IQUB: variants seen among roughly 807,000 people sequenced by gnomAD.
IQUB encodes the protein IQ motif and ubiquitin-like domain-containing protein.
In IQUB, 86 loss-of-function variants were observed where a neutral mutation model predicts 86.4. The ratio of observed to expected loss-of-function variants is 1.00; its 90% CI spans 0.84 to 1.19. IQUB has a LOEUF of 1.19. IQUB is among the 50% of genes most tolerant of loss of function. IQUB has a pLI of 0.00. For missense variants in IQUB, 946 were observed against 916.9 expected (o/e 1.03, Z -0.41); for synonymous variants, 289 against 304.5 (o/e 0.95, Z 0.53).
At chr7:123,463,148 A>T (rs1794081738) in intron 10 of IQUB, among the ~76,000 whole-genome samples, 1 of 151,798 alleles carries the variant, frequency 6.6e-6, no homozygotes, top group Admixed American at 6.6e-5. Flanking sequence ...CAAACTTTAA[A>T]TACTTTATCT....
chr7:123,530,660 T>A (rs1023106300), intron 1 of IQUB, among the ~76,000 whole-genome samples: 1 of 150,360 alleles, frequency 6.7e-6, no homozygotes, highest in African/African-American at 2.5e-5. Context: ...CTTTTTACCT[T>A]TTTGCTCTTT....
intron 8 of IQUB, among the ~76,000 whole-genome samples, chr7:123,470,067 C>G (rs1057431396): frequency 6.6e-6 from 1 of 152,118 alleles, no homozygotes; most frequent in Admixed American, 6.5e-5. Flanking sequence ...GTTCACTTGC[C>G]CTGAAGCTCA....
intron 1 of IQUB, among the ~76,000 whole-genome samples, chr7:123,527,626 C>T (rs565169432): frequency 1.3e-5 from 2 of 152,108 alleles, no homozygotes; most frequent in South Asian, 2.1e-4. Context: ...TTAGGCTGCT[C>T]GGGGGTCAGG....
intron 12 of IQUB, among the ~76,000 whole-genome samples, chr7:123,454,062 G>A (rs1008100862): frequency 6.6e-6 from 1 of 152,036 alleles, no homozygotes; most frequent in African/African-American, 2.4e-5. Flanking sequence ...CTGGGTGAAA[G>A]GACCAAAAGA....
At position 123,508,282 on chromosome 7, in the gene IQUB, G is replaced by A. The variant is rs2117239504; in HGVS notation, c.532+1619C>T. 2.0e-5 allele frequency among the ~76,000 whole-genome samples: 3 copies of A among 152,322 alleles called. No individual in the cohort carries two copies. In the Middle Eastern group the frequency reaches 0.01, roughly 518 times the overall value. ...GATCCTCCAGAGGGACAGCAGCCCT[G>A]TAGACACCTTGAATTTATCTCAATG... is the stretch of plus-strand genomic sequence containing the variant. On this transcript the variant is annotated intron_variant, in intron 3 of 12. Transcript: ENST00000324698.
At chr7:123,467,968 C>A (rs931374374) in intron 9 of IQUB, among the ~76,000 whole-genome samples, 1 of 152,290 alleles carries the variant, frequency 6.6e-6, no homozygotes, top group African/African-American at 2.4e-5. Context: ...GACCTGCGGG[C>A]AAGGCAAGTG....
At chr7:123,494,359 A>G (rs1216781680) in intron 7 of IQUB, among the ~76,000 whole-genome samples, 1 of 152,166 alleles carries the variant, frequency 6.6e-6, no homozygotes, top group Non-Finnish European at 1.5e-5. Context: ...AGCTCAAAGT[A>G]TACAATTATC....
chr7:123,494,867 T>C (rs1440386956), intron 7 of IQUB, among the ~76,000 whole-genome samples: 11 of 152,098 alleles, frequency 7.2e-5, no homozygotes, highest in Admixed American at 1.3e-4. Flanking sequence ...CACTAATAAG[T>C]AGAACAGGCA....
intron 8 of IQUB, among the ~76,000 whole-genome samples, chr7:123,469,684 C>T (rs528111661): frequency 1.3e-5 from 2 of 152,096 alleles, no homozygotes; most frequent in South Asian, 4.1e-4. Flanking sequence ...TACTCATTAA[C>T]CCCATGAGGA....
chr7:123,505,478 G>T (rs1437821168), intron 3 of IQUB, among the ~76,000 whole-genome samples: 2 of 152,148 alleles, frequency 1.3e-5, no homozygotes, highest in African/African-American at 2.4e-5. Context: ...TGAAATCTAG[G>T]CAGAGGCTCC....
At chr7:123,511,895 C>A in intron 2 of IQUB, 49 bp downstream of exon 2, 1 of 1,385,420 alleles carries the variant, frequency 7.2e-7, no homozygotes, top group South Asian at 1.5e-5. Flanking sequence ...AAAACGCATT[C>A]ATTCTTCAAA....
chr7:123,494,687 C>T (rs1163152757), intron 7 of IQUB, among the ~76,000 whole-genome samples: 1 of 151,966 alleles, frequency 6.6e-6, no homozygotes, highest in Non-Finnish European at 1.5e-5. Flanking sequence ...AACAATAGCT[C>T]GCATATGTAT....
intron 1 of IQUB, chr7:123,532,678 G>A (rs542415227): frequency 6.6e-6 from 1 of 152,270 alleles, no homozygotes; most frequent in South Asian, 2.1e-4. Flanking sequence ...AAAGCAAGGT[G>A]CGGGACGGCG....
intron 1 of IQUB, among the ~76,000 whole-genome samples, chr7:123,523,069 T>A (rs1796992283): frequency 1.3e-5 from 2 of 151,220 alleles, no homozygotes; most frequent in East Asian, 1.9e-4. Flanking sequence ...TTCCATGGTG[T>A]ATATGTGCCA....
intron 2 of IQUB, among the ~76,000 whole-genome samples, chr7:123,511,014 A>G (rs1298008859): frequency 2.0e-5 from 3 of 152,158 alleles, no homozygotes; most frequent in East Asian, 1.9e-4. Flanking sequence ...AATGACAGAA[A>G]TACCCAAAAA....
At chr7:123,533,513 G>A (rs1177891473) in intron 1 of IQUB, among the ~76,000 whole-genome samples, 1 of 152,130 alleles carries the variant, frequency 6.6e-6, no homozygotes, top group Non-Finnish European at 1.5e-5. Context: ...TAGATTGTTA[G>A]GTAGTGACAT....
At chr7:123,471,169 T>G (rs1206146059) in intron 8 of IQUB, among the ~76,000 whole-genome samples, 1 of 152,180 alleles carries the variant, frequency 6.6e-6, no homozygotes, top group Non-Finnish European at 1.5e-5. Flanking sequence ...AAATTCAATA[T>G]TAAATAATGT....
At chr7:123,458,593 T>TTTAC (rs1793826886) in intron 11 of IQUB, among the ~76,000 whole-genome samples, 1 of 152,018 alleles carries the variant, frequency 6.6e-6, no homozygotes, top group Non-Finnish European at 1.5e-5. Context: ...TTTTATATAT[T>TTTAC]TTACTTACAT....
intron 3 of IQUB, 81 bp downstream of exon 3, chr7:123,509,820 G>A: frequency 2.4e-6 from 3 of 1,225,468 alleles, no homozygotes; most frequent in Non-Finnish European, 3.5e-6. Context: ...AAGATATTTA[G>A]TTTTTAAAAT....
Sources: gnomAD v4.1 joint callset for allele counts (sites outside exome capture counted in the v4.1 genomes callset) on GRCh38, gnomAD v4.1.1 for gene constraint, MANE v1.5 for transcripts, NCBI Gene and HGNC (gene_info 2026-07-23, HGNC 2026-07-21) for gene names.